The following PTPRE variants were observed in gnomAD, a reference collection of about 807,000 sequenced individuals.
PTPRE encodes receptor-type tyrosine-protein phosphatase epsilon.
PTPRE carries 51 observed loss-of-function variants against 102.0 expected under a neutral mutation model. The observed-to-expected ratio is 0.50, with a 90% CI of 0.40 to 0.63. PTPRE has a LOEUF of 0.63. PTPRE is among the 30% of genes least tolerant of loss of function. PTPRE has a pLI of 0.00. For missense variants in PTPRE, 752 were observed against 915.1 expected (o/e 0.82, Z 2.30); for synonymous variants, 345 against 348.2 (o/e 0.99, Z 0.10).
At chr10:128,071,015 G>GT in intron 15 of PTPRE, 114 bp downstream of exon 15, 2 of 1,043,996 alleles carry the variant, frequency 1.9e-6, no homozygotes, top group Non-Finnish European at 2.8e-6. Context: ...CAAAAGCAGG[G>GT]TGTCCTCTGG....
intron 1 of PTPRE, among the ~76,000 whole-genome samples, chr10:127,955,302 A>G (rs1032446324): frequency 1.3e-5 from 2 of 152,108 alleles, no homozygotes; most frequent in Non-Finnish European, 2.9e-5. Flanking sequence ...ACATACATAC[A>G]TACATACATA....
chr10:127,910,866 T>G (rs1845821919), intron 1 of PTPRE, among the ~76,000 whole-genome samples: 1 of 151,974 alleles, frequency 6.6e-6, no homozygotes, highest in African/African-American at 2.4e-5. Flanking sequence ...CGCAGATCAC[T>G]TGAGGCCAGG....
intron 1 of PTPRE, among the ~76,000 whole-genome samples, chr10:127,931,659 G>T (rs577690552): frequency 6.6e-6 from 1 of 152,316 alleles, no homozygotes; most frequent in South Asian, 2.1e-4. Flanking sequence ...TACCCAAATG[G>T]AAGGAATCCT....
rs971931971 is a variant in PTPRE at position 128,040,979 on chromosome 10, C to T, written c.98C>T (p.Thr33Ile). 1 of 1,614,098 alleles carries T rather than the reference C, an allele frequency of 6.2e-7. No homozygotes were observed. The highest frequency in any genetic ancestry group is 1.3e-5 in the African/African-American group (1 of 75,028). ...ACCACTGCCGACAGCAACGAGACAA[C>T]CACGACCTCAGGTAAGGACCCCTTT... ...NETTADSNETTTTSGPPDPGA... is the reference protein window; with the variant it reads ...NETTADSNETITTSGPPDPGA... Residue 33 changes from threonine (T) to isoleucine (I), a missense_variant, in exon 3 of 21, where the codon ACC becomes ATC. Transcript: ENST00000254667.
intron 1 of PTPRE, among the ~76,000 whole-genome samples, chr10:127,977,634 C>T (rs1423779415): frequency 3.9e-5 from 6 of 152,164 alleles, no homozygotes; most frequent in Non-Finnish European, 8.8e-5. Context: ...GGAATAGTTC[C>T]GAGGGACTGA....
intron 17 of PTPRE, 44 bp downstream of exon 17, chr10:128,073,515 C>A (rs765732978): frequency 6.3e-7 from 1 of 1,594,606 alleles, no homozygotes; most frequent in Non-Finnish European, 8.5e-7. Flanking sequence ...GCAGCCTGTG[C>A]ACCTGAGGCA....
At chr10:128,046,270 G>A (rs538358180) in intron 3 of PTPRE, among the ~76,000 whole-genome samples, 4 of 152,298 alleles carry the variant, frequency 2.6e-5, no homozygotes, top group African/African-American at 7.2e-5. Context: ...TGAGGTGAGC[G>A]GAGCCTCTGG....
Position 128,082,867 on chromosome 10 carries a change from T to C in PTPRE, c.2064T>C (p.Asp688=). 2 of 1,554,836 alleles carry C rather than the reference T, an allele frequency of 1.3e-6. No individual in the cohort carries two copies. Among genetic ancestry groups the C allele is most frequent in the African/African-American group, 2.8e-5 (2 of 71,486 alleles). The part of the protein sequence containing the change: ...QYEFCYKVVQ[D]FIDIFSDYAN... The stretch of plus-strand genomic sequence containing the variant: ...AATTCTGCTACAAAGTGGTACAAGA[T>C]TTTATTGATATATTTTCTGATTATG... Residue 688 remains aspartate (D), a synonymous_variant, in exon 21 of 21, where the codon GAT becomes GAC. Coordinates refer to ENST00000254667, the MANE Select transcript of PTPRE (RefSeq NM_006504.6).
chr10:127,929,001 A>G (rs1301987933), intron 1 of PTPRE, among the ~76,000 whole-genome samples: 1 of 152,244 alleles, frequency 6.6e-6, no homozygotes, highest in African/African-American at 2.4e-5. Flanking sequence ...TTTGCAATTG[A>G]CAACACCTCA....
rs187515862 is a variant in PTPRE at position 127,915,798 on chromosome 10, C to T, written c.-31+8489C>T. On this transcript the variant is annotated intron_variant, in intron 1 of 20. Transcript: ENST00000254667. Reference sequence around the variant, plus strand: ...GAAGTATTAAACCTTTATTGACTACCTACAGTATATAGAGGATCTATAACT... The same window carrying T: ...GAAGTATTAAACCTTTATTGACTACTTACAGTATATAGAGGATCTATAACT... 5.7e-4 allele frequency among the ~76,000 whole-genome samples: 86 copies of T among 151,088 alleles called. 1 individual carries two copies. The highest frequency in any genetic ancestry group is 1.9e-3 in the African/African-American group (78 of 41,362).
At chr10:128,060,820 C>A in intron 7 of PTPRE, 119 bp from the exon 8 acceptor site, 1 of 922,052 alleles carries the variant, frequency 1.1e-6, no homozygotes, top group Non-Finnish European at 1.7e-6. Context: ...TGTGAAGCTG[C>A]TTTTGCCCTT....
chr10:127,992,407 T>G (rs1465251265), intron 2 of PTPRE, among the ~76,000 whole-genome samples: 1 of 152,094 alleles, frequency 6.6e-6, no homozygotes, highest in Non-Finnish European at 1.5e-5. Context: ...ACTGAAAAGT[T>G]CTCGCACGAA....
intron 1 of PTPRE, among the ~76,000 whole-genome samples, chr10:127,916,493 T>C (rs1310874353): frequency 1.3e-5 from 2 of 152,180 alleles, no homozygotes; most frequent in Admixed American, 1.3e-4. Flanking sequence ...CTTTATAAAT[T>C]ACCCAGTCTT....
chr10:127,913,940 T>G (rs188367496), intron 1 of PTPRE, among the ~76,000 whole-genome samples: 1 of 152,186 alleles, frequency 6.6e-6, no homozygotes, highest in Admixed American at 6.5e-5. Context: ...AAACACAGTA[T>G]ATGGTTTGGC....
At chr10:128,076,042 C>CTGTA (rs1851184271) in intron 17 of PTPRE, among the ~76,000 whole-genome samples, 1 of 152,222 alleles carries the variant, frequency 6.6e-6, no homozygotes, top group African/African-American at 2.4e-5. Context: ...GTGAATGTTA[C>CTGTA]TGTAATCCAA....
At chr10:128,055,964 G>A (rs952640368) in intron 6 of PTPRE, among the ~76,000 whole-genome samples, 159 bp from the exon 7 acceptor site, 3 of 152,234 alleles carry the variant, frequency 2.0e-5, no homozygotes, top group Non-Finnish European at 2.9e-5. Context: ...TTCATTCTCT[G>A]CCCCATGCCT....
At chr10:128,060,745 C>T (rs1465778337) in intron 7 of PTPRE, among the ~76,000 whole-genome samples, 194 bp from the exon 8 acceptor site, 1 of 152,200 alleles carries the variant, frequency 6.6e-6, no homozygotes, top group East Asian at 1.9e-4. Context: ...TGCATTCTCT[C>T]TCAGGACACT....
chr10:127,935,166 G>A (rs1017345773), intron 1 of PTPRE, among the ~76,000 whole-genome samples: 1 of 152,124 alleles, frequency 6.6e-6, no homozygotes, highest in Non-Finnish European at 1.5e-5. Context: ...TCGGGTGTGG[G>A]CTCCGGGCTC....
At chr10:128,063,782 G>A (rs535729101) in intron 10 of PTPRE, among the ~76,000 whole-genome samples, 1 of 152,326 alleles carries the variant, frequency 6.6e-6, no homozygotes, top group African/African-American at 2.4e-5. Flanking sequence ...CCAGGTGCAA[G>A]GAGTAGGGGC....
Sources: gnomAD v4.1 joint callset for allele counts (sites outside exome capture counted in the v4.1 genomes callset) on GRCh38, gnomAD v4.1.1 for gene constraint, MANE v1.5 for transcripts, NCBI Gene and HGNC (gene_info 2026-07-23, HGNC 2026-07-21) for gene names.